The following DNAH6 variants were observed in gnomAD, a reference collection of about 807,000 sequenced individuals.
DNAH6 encodes the protein dynein axonemal heavy chain 6, also known as axonemal beta dynein heavy chain 6.
DNAH6 carries 340 observed loss-of-function variants against 491.4 expected under a neutral mutation model. The observed-to-expected ratio is 0.69, with a 90% CI of 0.63 to 0.76. DNAH6 has a LOEUF of 0.76. Ranked by LOEUF, DNAH6 falls within the 30% of genes least tolerant of loss-of-function variation. DNAH6 has a pLI of 0.00. For missense variants in DNAH6, 4,443 were observed against 4,972.2 expected (o/e 0.89, Z 3.20); for synonymous variants, 1,603 against 1,686.1 (o/e 0.95, Z 1.21).
intron 16 of DNAH6, among the ~76,000 whole-genome samples, chr2:84,589,865 A>G (rs970827326): frequency 2.0e-5 from 3 of 152,106 alleles, no homozygotes; most frequent in South Asian, 2.1e-4. Context: ...AAATATTCCT[A>G]TGGTCAAAAC....
chr2:84,803,593 AC>A (rs1284351371), intron 70 of DNAH6, among the ~76,000 whole-genome samples: 6 of 152,002 alleles, frequency 3.9e-5, no homozygotes, highest in Non-Finnish European at 7.4e-5. Flanking sequence ...TGTTAAAAAA[AC>A]ATTATGAATA....
chr2:84,517,746 C>T (rs1448292055), intron 1 of DNAH6, 73 bp from the exon 2 acceptor site: 2 of 1,177,306 alleles, frequency 1.7e-6, no homozygotes, highest in Non-Finnish European at 2.4e-6. Flanking sequence ...CCTTAAGTCC[C>T]TCTCCAGTAG....
intron 68 of DNAH6, among the ~76,000 whole-genome samples, chr2:84,793,891 C>T (rs1015624504): frequency 1.3e-5 from 2 of 152,212 alleles, no homozygotes; most frequent in African/African-American, 4.8e-5. Context: ...ATTCCAAAGA[C>T]TGAAATAACT....
At chr2:84,682,512 C>G (rs1334953888) in intron 42 of DNAH6, among the ~76,000 whole-genome samples, 1 of 152,206 alleles carries the variant, frequency 6.6e-6, no homozygotes, top group African/African-American at 2.4e-5. Context: ...CACCCCTACT[C>G]TAAGAGTCTG....
At chr2:84,547,055 G>A (rs1002924163) in intron 5 of DNAH6, among the ~76,000 whole-genome samples, 1 of 152,038 alleles carries the variant, frequency 6.6e-6, no homozygotes, top group Non-Finnish European at 1.5e-5. Context: ...TCAAAAGAAA[G>A]GAATTCAGAC....
In DNAH6 at chr2:84,654,695, C is replaced by G. The variant is rs1446388909; in HGVS notation, c.5670C>G (p.Val1890=). Residue 1890 remains valine (V), a synonymous_variant, in exon 35 of 77, where the codon GTC becomes GTG. Transcript: ENST00000389394. ...TGCGGGTTGCCTCCCCTGCAACAGT[C>G]AGTCGATGTGGAATGGTGTTTGTGG... ...QDLRVASPAT[V]SRCGMVFVDP... is the part of the protein sequence containing the mutation. 3 of 1,551,138 alleles carry G rather than the reference C, an allele frequency of 1.9e-6. No individual in the cohort carries two copies. The highest frequency in any genetic ancestry group is 2.6e-6 in the Non-Finnish European group (3 of 1,146,446).
At chr2:84,643,333 G>A (rs6547574) in intron 33 of DNAH6, among the ~76,000 whole-genome samples, 28,678 of 151,534 alleles carry the variant, frequency 0.19, 5,283 homozygotes, top group African/African-American at 0.48. Flanking sequence ...TGGTTTTAAA[G>A]TGACCTGCTT....
intron 18 of DNAH6, among the ~76,000 whole-genome samples, chr2:84,601,823 T>G (rs1685271700): frequency 1.3e-5 from 2 of 152,006 alleles, no homozygotes; most frequent in South Asian, 4.1e-4. Context: ...ATTGCATATT[T>G]TATGATTCCA....
At chr2:84,681,602 C>A in intron 42 of DNAH6, 74 bp downstream of exon 42, 1 of 1,346,454 alleles carries the variant, frequency 7.4e-7, no homozygotes. Flanking sequence ...ATCTCAGTAA[C>A]ATTGTATGTA....
chr2:84,564,620 T>G lies in DNAH6; in HGVS notation c.1803+6685T>G, dbSNP rs187948207. Among the ~76,000 whole-genome samples, 5 of 152,250 alleles carry G rather than the reference T, an allele frequency of 3.3e-5. No individual in the cohort carries two copies. The East Asian group carries it at 7.7e-4, about 23-fold the overall frequency. On this transcript the variant is annotated intron_variant, in intron 11 of 76. Transcript: ENST00000389394. ...CTTTAGGGGTTTTTAGGTATAGAAT[T>G]ATATCATCAGCAAAGAGAGATCATT...
intron 48 of DNAH6, among the ~76,000 whole-genome samples, chr2:84,700,787 C>T (rs1034670930): frequency 2.6e-5 from 4 of 152,156 alleles, no homozygotes; most frequent in African/African-American, 7.2e-5. Context: ...GTCCCTGTAA[C>T]ATATATGATT....
In DNAH6 at chr2:84,781,632, A is replaced by G. The variant is rs1676713381; in HGVS notation, c.10843A>G (p.Ile3615Val). 1.3e-6 allele frequency: 2 copies of G among 1,551,752 alleles called. No homozygotes were observed. Among genetic ancestry groups the G allele is most frequent in the East Asian group, 2.4e-5 (1 of 40,906 alleles). Residue 3615 changes from isoleucine (I) to valine (V), a missense_variant, in exon 65 of 77, where the codon ATT becomes GTT. Around this residue, in one of 3 missense-constraint regions of DNAH6, gnomAD observed 1,463 missense variants for 1,656.6 expected, o/e 0.88. Transcript: ENST00000389394. ...VSWMLAMEEL[I>V]KTFTDPDSAI... is the part of the protein sequence containing the mutation. ...TTGGATGTTGGCAATGGAAGAGCTC[A>G]TTAAAACCTTCACAGATCCAGGTAT...
intron 63 of DNAH6, among the ~76,000 whole-genome samples, chr2:84,754,160 A>G (rs1451159890): frequency 1.3e-5 from 2 of 151,126 alleles, no homozygotes; most frequent in East Asian, 3.9e-4. Context: ...GTGTGAAGTA[A>G]GAGTCCAACA....
At chr2:84,798,880 T>G (rs1678602753) in intron 70 of DNAH6, among the ~76,000 whole-genome samples, 1 of 152,092 alleles carries the variant, frequency 6.6e-6, no homozygotes, top group Non-Finnish European at 1.5e-5. Flanking sequence ...CACCCAGGGA[T>G]ATCAAGTTGA....
At chr2:84,817,257 A>G (rs1473114637) in intron 76 of DNAH6, among the ~76,000 whole-genome samples, 1 of 152,218 alleles carries the variant, frequency 6.6e-6, no homozygotes, top group Non-Finnish European at 1.5e-5. Context: ...CTGAAATCCC[A>G]GAGAATGAGA....
At chr2:84,645,451 A>G (rs1689804655) in intron 33 of DNAH6, among the ~76,000 whole-genome samples, 1 of 152,150 alleles carries the variant, frequency 6.6e-6, no homozygotes, top group Non-Finnish European at 1.5e-5. Context: ...TAGCCATTCT[A>G]ACTGACATGA....
At chr2:84,740,803 G>C (rs996308520) in intron 62 of DNAH6, among the ~76,000 whole-genome samples, 4 of 152,132 alleles carry the variant, frequency 2.6e-5, no homozygotes, top group African/African-American at 9.7e-5. Flanking sequence ...CTCAGCTTCA[G>C]CAACTCTCCT....
chr2:84,574,093 A>T (rs1465621992), intron 12 of DNAH6, among the ~76,000 whole-genome samples: 5 of 152,218 alleles, frequency 3.3e-5, no homozygotes, highest in Non-Finnish European at 7.3e-5. Context: ...ACAATATCCA[A>T]GTGCAATTTC....
At chr2:84,717,884 T>C (rs974402657) in intron 58 of DNAH6, among the ~76,000 whole-genome samples, 3 of 152,124 alleles carry the variant, frequency 2.0e-5, no homozygotes, top group Non-Finnish European at 2.9e-5. Flanking sequence ...CAAGCAAGCG[T>C]TAGAGACAGA....
Sources: allele counts gnomAD v4.1 joint callset (sites outside exome capture counted in the v4.1 genomes callset), GRCh38; gene constraint gnomAD v4.1.1; regional missense constraint gnomAD v4.1.1; transcripts MANE v1.5; gene names NCBI Gene and HGNC (gene_info 2026-07-23, HGNC 2026-07-21).